Variants in DYNC1I1 observed in about 807,000 individuals in gnomAD.
DYNC1I1 encodes dynein cytoplasmic 1 intermediate chain 1, also known as cytoplasmic dynein 1 intermediate chain 1.
In DYNC1I1, 43 loss-of-function variants were observed where a neutral mutation model predicts 86.6. That is an observed-to-expected ratio of 0.50 (90% CI 0.39 to 0.64). The LOEUF is 0.64. DYNC1I1 is among the 30% of genes least tolerant of loss of function. The pLI, the probability that DYNC1I1 is intolerant of heterozygous loss-of-function variation, is 0.00. For synonymous variants in DYNC1I1, 262 were observed against 283.7 expected (o/e 0.92, Z 0.77); for missense variants, 604 against 788.8 (o/e 0.77, Z 2.81).
chr7:96,032,033 C>T (rs1044140324), intron 11 of DYNC1I1, among the ~76,000 whole-genome samples: 3 of 152,016 alleles, frequency 2.0e-5, no homozygotes, highest in Non-Finnish European at 4.4e-5. Flanking sequence ...CTACTGCAAA[C>T]GGTATTTTGA....
chr7:95,931,924 C>T (rs1047032298), intron 6 of DYNC1I1, among the ~76,000 whole-genome samples: 9 of 152,106 alleles, frequency 5.9e-5, no homozygotes, highest in African/African-American at 1.7e-4. Context: ...TTGCTGCCAG[C>T]GTCTTAATTT....
intron 6 of DYNC1I1, among the ~76,000 whole-genome samples, chr7:95,922,999 C>A (rs1791650673): frequency 6.6e-6 from 1 of 152,190 alleles, no homozygotes; most frequent in Non-Finnish European, 1.5e-5. Context: ...ATTTTTAATT[C>A]AAATTAAAAT....
intron 5 of DYNC1I1, among the ~76,000 whole-genome samples, chr7:95,859,602 GC>G (rs150820210): frequency 0.032 from 4,815 of 152,338 alleles, 192 homozygotes; most frequent in East Asian, 0.21. Context: ...CAGGCTGAAA[GC>G]CTTTGGCAGC....
At chr7:95,979,208 G>T (rs1373315649) in intron 7 of DYNC1I1, among the ~76,000 whole-genome samples, 2 of 152,106 alleles carry the variant, frequency 1.3e-5, no homozygotes, top group African/African-American at 4.8e-5. Context: ...GGTATCTAAA[G>T]GCCAGTGCAA....
In DYNC1I1 at chr7:96,098,326, A is replaced by C. The variant is rs992999190; in HGVS notation, c.*733A>C. 3 of 985,742 alleles carry C rather than the reference A, an allele frequency of 3.0e-6. No individual in the cohort carries two copies. The highest frequency in any genetic ancestry group is 3.6e-6 in the Non-Finnish European group (3 of 829,952). 61.1% of individuals were successfully genotyped at this position (985,742 alleles called of 1,614,324 possible). On this transcript the variant is annotated 3_prime_UTR_variant, in exon 17 of 17. Transcript: ENST00000447467. ...GTACTTTAACAATATTTCAAATATC[A>C]TTGACCACTAATACTTCTCACTGAA...
intron 10 of DYNC1I1, among the ~76,000 whole-genome samples, chr7:96,011,856 G>A (rs545285909): frequency 6.6e-6 from 1 of 152,288 alleles, no homozygotes; most frequent in South Asian, 2.1e-4. Flanking sequence ...AGATTGGCGT[G>A]TCTTTCTGAA....
intron 9 of DYNC1I1, among the ~76,000 whole-genome samples, chr7:95,988,137 G>A (rs967912618): frequency 6.6e-6 from 1 of 152,212 alleles, no homozygotes; most frequent in African/African-American, 2.4e-5. Context: ...AGCACTTTGG[G>A]AGGCCAAGGC....
intron 6 of DYNC1I1, among the ~76,000 whole-genome samples, chr7:95,872,328 G>T (rs1790194856): frequency 6.6e-6 from 1 of 152,166 alleles, no homozygotes. Flanking sequence ...CATCCACTTT[G>T]GCTTGCTGTT....
intron 6 of DYNC1I1, among the ~76,000 whole-genome samples, chr7:95,975,556 A>G (rs570332061): frequency 1.3e-5 from 2 of 152,124 alleles, no homozygotes; most frequent in Admixed American, 6.6e-5. Context: ...GCCCTACTCC[A>G]TTATAACCTC....
chr7:95,828,832 T>C (rs1795259900), intron 5 of DYNC1I1, among the ~76,000 whole-genome samples: 1 of 152,160 alleles, frequency 6.6e-6, no homozygotes, highest in Admixed American at 6.6e-5. Context: ...GAGTTAGCTG[T>C]AGTCACACAG....
At chr7:96,088,155 T>C (rs1286306101) in intron 16 of DYNC1I1, among the ~76,000 whole-genome samples, 1 of 152,122 alleles carries the variant, frequency 6.6e-6, no homozygotes, top group Non-Finnish European at 1.5e-5. Context: ...TCAGGTAGCA[T>C]TAGTATATGA....
intron 14 of DYNC1I1, among the ~76,000 whole-genome samples, chr7:96,046,112 G>A (rs1168130888): frequency 1.3e-5 from 2 of 152,144 alleles, no homozygotes; most frequent in Non-Finnish European, 2.9e-5. Flanking sequence ...GGTTTACCTG[G>A]CAAACAGAGA....
In DYNC1I1 at chr7:95,832,891, C is replaced by A. The variant is rs539980233; in HGVS notation, c.374+4775C>A. ...TTAGCCCTTTGTCAGATGAGTGGGT[C>A]GTGAAAATTTTCTCCCATTTTGTAG... On this transcript the variant is annotated intron_variant, in intron 5 of 16. Coordinates refer to ENST00000447467, the MANE Select transcript of DYNC1I1 (RefSeq NM_001135556.2). 6.0e-3 allele frequency among the ~76,000 whole-genome samples: 914 copies of A among 152,054 alleles called. 8 individuals carry two copies. The highest frequency in any genetic ancestry group is 6.0e-3 in the Non-Finnish European group (408 of 67,974).
intron 6 of DYNC1I1, among the ~76,000 whole-genome samples, chr7:95,967,098 A>T (rs1793035643): frequency 6.6e-6 from 1 of 152,198 alleles, no homozygotes; most frequent in Admixed American, 6.5e-5. Flanking sequence ...ACATTGGGGC[A>T]TACAGATATG....
At chr7:95,939,252 G>T (rs955649680) in intron 6 of DYNC1I1, among the ~76,000 whole-genome samples, 10 of 152,126 alleles carry the variant, frequency 6.6e-5, no homozygotes, top group Admixed American at 6.5e-4. Flanking sequence ...GTGGTGTGGT[G>T]CTGAAAAAAA....
rs530611471 is a variant in DYNC1I1 at position 96,057,315 on chromosome 7, T to G, written c.1509+17894T>G. 5.9e-5 allele frequency among the ~76,000 whole-genome samples: 9 copies of G among 152,262 alleles called. No homozygotes were observed. The South Asian group carries it at 1.9e-3, about 32-fold the overall frequency. ...CTGGGCCTTTTCTACGTCTGAGTCC[T>G]AATGAAGATTCCAGTTTTCACAGTA... is the stretch of plus-strand genomic sequence containing the variant. On this transcript the variant is annotated intron_variant, in intron 14 of 16. Transcript: ENST00000447467.
At chr7:95,952,477 A>G (rs1475003201) in intron 6 of DYNC1I1, among the ~76,000 whole-genome samples, 3 of 152,086 alleles carry the variant, frequency 2.0e-5, no homozygotes, top group African/African-American at 7.2e-5. Flanking sequence ...TTAAGATTGG[A>G]TCCCCAGCGG....
intron 6 of DYNC1I1, among the ~76,000 whole-genome samples, chr7:95,953,757 C>A (rs931113625): frequency 6.6e-6 from 1 of 152,168 alleles, no homozygotes; most frequent in African/African-American, 2.4e-5. Flanking sequence ...GTTTGCCGTT[C>A]TTGCTAGTTG....
intron 6 of DYNC1I1, among the ~76,000 whole-genome samples, chr7:95,880,018 A>G (rs185281135): frequency 3.8e-4 from 58 of 152,352 alleles, no homozygotes; most frequent in African/African-American, 1.3e-3. Context: ...GCATGGAAGA[A>G]GTAGTAAGTC....
Sources: gnomAD v4.1 joint callset for allele counts (sites outside exome capture counted in the v4.1 genomes callset) on GRCh38, gnomAD v4.1.1 for gene constraint, MANE v1.5 for transcripts, NCBI Gene and HGNC (gene_info 2026-07-23, HGNC 2026-07-21) for gene names.